MTCL1: variants seen among roughly 807,000 people sequenced by gnomAD.
MTCL1 encodes microtubule cross-linking factor 1.
MTCL1 carries 79 observed loss-of-function variants against 141.4 expected under a neutral mutation model. The observed-to-expected ratio is 0.56, with a 90% confidence interval of 0.47 to 0.67. MTCL1 has a LOEUF of 0.67. Among genes scored for constraint, MTCL1 ranks in the 30% least tolerant of loss-of-function variants. The probability of loss-of-function intolerance (pLI) is 0.00; values close to 1 mark genes in which losing one functional copy is unlikely to be tolerated. For missense variants in MTCL1, 2,177 were observed against 2,113.9 expected (o/e 1.03, Z -0.59); for synonymous variants, 914 against 875.8 (o/e 1.04, Z -0.77).
chr18:8,776,558 G>T (rs2096509637), intron 4 of MTCL1, among the ~76,000 whole-genome samples: 1 of 152,120 alleles, frequency 6.6e-6, no homozygotes, highest in Non-Finnish European at 1.5e-5. Context: ...CATTTCACAT[G>T]GGAATAAGTT....
chr18:8,756,343 ATATATATGTGTATATATG>A lies in MTCL1; in HGVS notation c.358-21442_358-21425del, dbSNP rs1426445332. 3.1e-3 allele frequency among the ~76,000 whole-genome samples: 467 copies of A among 148,520 alleles called. 3 individuals carry two copies. The highest frequency in any genetic ancestry group is 0.019 in the East Asian group (100 of 5,172). ...TATGTGTGTATATATATGTGTGTGT[ATATATATGTGTATATATG>A]TATATATGTGTATATATGTATATAT... On this transcript the variant is annotated intron_variant, in intron 4 of 16. Transcript: ENST00000359865.
chr18:8,797,279 TA>T (rs2075959475), intron 9 of MTCL1, among the ~76,000 whole-genome samples: 2 of 152,248 alleles, frequency 1.3e-5, no homozygotes, highest in Non-Finnish European at 2.9e-5. Flanking sequence ...CACACAGTTT[TA>T]AAAGGATCTT....
chr18:8,830,511 C>T lies in MTCL1; in HGVS notation c.*19-1096C>T, dbSNP rs2077163529. The T allele has an allele frequency of 1.0e-6, 1 of 986,050 alleles. No homozygotes were observed. Among genetic ancestry groups the T allele is most frequent in the Non-Finnish European group, 1.2e-6 (1 of 830,406 alleles). The allele number at this position is 986,050 out of a possible 1,614,324, so 61.1% of individuals were successfully genotyped here. ...GAGTGACACTGCCCATTCCGTGCAG[C>T]CGTCTGTCCTTCCCCCGCTGCTGCT... On this transcript the variant is annotated intron_variant, in intron 16 of 16. Coordinates refer to ENST00000359865, the Ensembl canonical transcript of MTCL1. The surrounding 1 kb of genome is among the most constrained non-coding windows in gnomAD (Gnocchi z 6.4).
intron 1 of MTCL1, among the ~76,000 whole-genome samples, chr18:8,708,580 A>G (rs1304671984): frequency 6.6e-6 from 1 of 152,144 alleles, no homozygotes; most frequent in Non-Finnish European, 1.5e-5. Flanking sequence ...GCCTCTGCCC[A>G]TTTTACTGCA....
intron 11 of MTCL1, among the ~76,000 whole-genome samples, chr18:8,808,341 C>G (rs952976994): frequency 6.6e-6 from 1 of 152,136 alleles, no homozygotes; most frequent in Non-Finnish European, 1.5e-5. Context: ...TTCCAAAGCC[C>G]GAACTATAGC....
chr18:8,706,540 G>A (rs774348887), exon 1 of MTCL1: 1 of 1,377,562 alleles, frequency 7.3e-7, no homozygotes, highest in Non-Finnish European at 9.4e-7. Context: ...GGGGGGTTTC[G>A]CGGGGCCCGG....
intron 6 of MTCL1, among the ~76,000 whole-genome samples, chr18:8,785,509 C>T (rs1465817429): frequency 1.3e-5 from 2 of 152,178 alleles, no homozygotes; most frequent in African/African-American, 2.4e-5. Flanking sequence ...GGTGCATGGC[C>T]CAGCTGCCGC....
At chr18:8,737,645 A>G (rs1427448955) in intron 4 of MTCL1, among the ~76,000 whole-genome samples, 1 of 152,230 alleles carries the variant, frequency 6.6e-6, no homozygotes, top group Non-Finnish European at 1.5e-5. Context: ...GACTGAGACG[A>G]TGACTGAGGG....
In MTCL1 at chr18:8,830,767, T is replaced by C; in HGVS notation, c.*19-840T>C. The C allele has an allele frequency of 1.0e-6, 1 of 985,424 alleles. No homozygotes were observed. The highest frequency in any genetic ancestry group is 1.2e-6 in the Non-Finnish European group (1 of 829,922). The allele number at this position is 985,424 out of a possible 1,614,324, so 61.0% of individuals were successfully genotyped here. A position where few individuals can be genotyped will look rare whatever the true frequency, so the allele number is the denominator to read the frequency against. ...CATGCCACAGCTTTTTACATTTCTG[T>C]GTATCAGCAAATTCCAAATTTGGGT... On this transcript the variant is annotated intron_variant, in intron 16 of 16. Coordinates refer to ENST00000359865, the Ensembl canonical transcript of MTCL1. The surrounding 1 kb of genome is among the most constrained non-coding windows in gnomAD (Gnocchi z 6.4).
chr18:8,819,087 G>T, exon 13 of MTCL1: 2 of 1,614,246 alleles, frequency 1.2e-6, no homozygotes, highest in Non-Finnish European at 1.7e-6. Flanking sequence ...ATGTGGCCTT[G>T]TGCAGATGCT....
At position 8,709,179 on chromosome 18, in the gene MTCL1, G is replaced by C. The variant is rs2096073502; in HGVS notation, c.1053+2466G>C. Reference sequence around the variant, plus strand: ...ACTTCTCTTTTTGTTATTTTCAGGGGTATTTTTTCCGTTTTTTGTGGTTTT... The same window carrying C: ...ACTTCTCTTTTTGTTATTTTCAGGGCTATTTTTTCCGTTTTTTGTGGTTTT... On this transcript the variant is annotated intron_variant, in intron 1 of 13. Coordinates refer to the MTCL1 transcript ENST00000306329. 2.0e-5 allele frequency among the ~76,000 whole-genome samples: 3 copies of C among 148,000 alleles called. No homozygotes were observed. The South Asian group carries it at 6.6e-4, about 32-fold the overall frequency.
chr18:8,783,848 C>A (rs774010345), exon 6 of MTCL1: 4 of 1,613,048 alleles, frequency 2.5e-6, no homozygotes, highest in Non-Finnish European at 3.4e-6. Context: ...GCGGGGCCAG[C>A]AGGAGCGGGA....
chr18:8,796,104 C>T, intron 8 of MTCL1, 128 bp from the exon 8 acceptor site: 2 of 850,436 alleles, frequency 2.4e-6, no homozygotes, highest in South Asian at 3.3e-5. Flanking sequence ...CTTCTGGGGA[C>T]TCCTGTGTTT....
chr18:8,766,023 T>C (rs973466486), intron 4 of MTCL1, among the ~76,000 whole-genome samples: 2 of 152,130 alleles, frequency 1.3e-5, no homozygotes, highest in African/African-American at 4.8e-5. Context: ...ACATTCACCC[T>C]TATGTACCCA....
At chr18:8,707,999 TAAAGC>T (rs2096067184) in intron 1 of MTCL1, among the ~76,000 whole-genome samples, 2 of 152,238 alleles carry the variant, frequency 1.3e-5, no homozygotes, top group African/African-American at 4.8e-5. Context: ...GATTGGGACT[TAAAGC>T]AAGATATTTC....
rs145720760 is a variant in MTCL1 at position 8,731,169 on chromosome 18, C to T, written c.357+10673C>T. Among the ~76,000 whole-genome samples the T allele has an allele frequency of 3.1e-3, 467 of 151,930 alleles. 4 individuals carry two copies. Among genetic ancestry groups the T allele is most frequent in the African/African-American group, 0.011 (435 of 41,424 alleles). ...CTGAGGCAGGAGAATGGCGTGAACC[C>T]GGGAGTCAGAGCTTGCAGTGAGCCA... On this transcript the variant is annotated intron_variant, in intron 4 of 16. Coordinates refer to ENST00000359865, the Ensembl canonical transcript of MTCL1.
chr18:8,721,098 A>G (rs976279221), intron 4 of MTCL1, among the ~76,000 whole-genome samples: 5 of 152,176 alleles, frequency 3.3e-5, no homozygotes, highest in Non-Finnish European at 5.9e-5. Context: ...TATTTTTTTC[A>G]TTTGCATACA....
At chr18:8,829,321 C>G in intron 16 of MTCL1, 1 of 985,362 alleles carries the variant, frequency 1.0e-6, no homozygotes, top group Non-Finnish European at 1.2e-6. Context: ...GGTCTTTGGG[C>G]CCAGCCACCC....
chr18:8,725,420 G>C (rs1434054341), intron 4 of MTCL1, among the ~76,000 whole-genome samples: 4 of 152,160 alleles, frequency 2.6e-5, no homozygotes, highest in African/African-American at 9.7e-5. Context: ...ATTTAAATCT[G>C]TTAGATTGAA....
Sources: allele counts gnomAD v4.1 joint callset (sites outside exome capture counted in the v4.1 genomes callset), GRCh38; gene constraint gnomAD v4.1.1; non-coding constraint Gnocchi (gnomAD v3.1); transcripts MANE v1.5; gene names NCBI Gene and HGNC (gene_info 2026-07-23, HGNC 2026-07-21).